Variants in ARLN observed in about 807,000 individuals in gnomAD.
The protein encoded by ARLN is allregulin.
chr4:119,300,600 T>C, the ARLN span: 20 of 1,610,584 alleles, frequency 1.2e-5, no homozygotes, highest in East Asian at 2.9e-4. Context: ...GACTTTGGTG[T>C]TCGCCGCACC....
chr4:119,300,538 C>G, the ARLN span: 1 of 1,614,214 alleles, frequency 6.2e-7, no homozygotes, highest in Non-Finnish European at 8.5e-7. Context: ...ACCTCCATCT[C>G]GCTCCTGCAG....
chr4:119,299,891 T>C, the ARLN span, among the ~76,000 whole-genome samples: 9 of 152,260 alleles, frequency 5.9e-5, no homozygotes, highest in Admixed American at 5.9e-4. Context: ...TAAACAGCTG[T>C]ATAGTAAAAA....
At chr4:119,300,743 A>G in the ARLN span, 5 of 1,507,306 alleles carry the variant, frequency 3.3e-6, no homozygotes, top group African/African-American at 6.9e-5. Context: ...GCTGGCATGA[A>G]GCGCGGCCTC....
At chr4:119,296,557 C>G in the ARLN span, 1 of 152,098 alleles carries the variant, frequency 6.6e-6, no homozygotes. Context: ...GGTCTGAGAA[C>G]CAGGGGCCCT....
chr4:119,301,436 G>A, the ARLN span, among the ~76,000 whole-genome samples: 2 of 151,754 alleles, frequency 1.3e-5, no homozygotes, highest in Admixed American at 1.3e-4. Context: ...GGGGGGAAAT[G>A]GGGGTGGGAA....
the ARLN span, chr4:119,300,859 T>A: frequency 1.4e-6 from 2 of 1,408,546 alleles, no homozygotes; most frequent in African/African-American, 2.9e-5. Flanking sequence ...CTCGTCCCCC[T>A]GAAAGGCCCA....
At chr4:119,300,223 G>A in the ARLN span, 1 of 861,706 alleles carries the variant, frequency 1.2e-6, no homozygotes, top group South Asian at 1.7e-5. Flanking sequence ...CTCACCAGCT[G>A]TGTGATCTTG....
At chr4:119,298,732 G>C in the ARLN span, 1 of 764,912 alleles carries the variant, frequency 1.3e-6, no homozygotes, top group South Asian at 1.4e-5. Flanking sequence ...GCCATTTTCA[G>C]AATTCACTCA....
At chr4:119,299,493 T>C in the ARLN span, among the ~76,000 whole-genome samples, 2 of 152,198 alleles carry the variant, frequency 1.3e-5, no homozygotes, top group Non-Finnish European at 2.9e-5. Context: ...TCTTCTCCCA[T>C]AGGAGCCCTG....
the ARLN span, chr4:119,304,304 G>C: frequency 1.3e-6 from 2 of 1,537,092 alleles, no homozygotes. Context: ...TTTCTTCTTG[G>C]GGAGAGGGTT....
chr4:119,300,293 T>C, the ARLN span: 1 of 1,507,900 alleles, frequency 6.6e-7, no homozygotes, highest in Non-Finnish European at 9.1e-7. Flanking sequence ...GCAAATGATC[T>C]CTAAGCTCCT....
At chr4:119,300,525 T>C in the ARLN span, 18 of 1,613,970 alleles carry the variant, frequency 1.1e-5, no homozygotes, top group South Asian at 8.8e-5. Flanking sequence ...ACCCGGTGCG[T>C]CCACCTCCAT....
the ARLN span, chr4:119,300,909 G>A: frequency 4.8e-6 from 5 of 1,048,882 alleles, no homozygotes; most frequent in Non-Finnish European, 4.0e-6. Flanking sequence ...AACTGCACGA[G>A]GTCACCTCTC....
the ARLN span, among the ~76,000 whole-genome samples, chr4:119,303,176 T>TC: frequency 6.6e-6 from 1 of 152,084 alleles, no homozygotes; most frequent in East Asian, 1.9e-4. Flanking sequence ...AGGTTATTTC[T>TC]CCATCTTCTG....
At chr4:119,303,873 T>C in the ARLN span, among the ~76,000 whole-genome samples, 2 of 152,194 alleles carry the variant, frequency 1.3e-5, no homozygotes, top group Non-Finnish European at 2.9e-5. Context: ...CAGACCATGT[T>C]CCCTCCATGC....
At chr4:119,300,156 T>G in the ARLN span, among the ~76,000 whole-genome samples, 3 of 151,632 alleles carry the variant, frequency 2.0e-5, no homozygotes, top group African/African-American at 7.3e-5. Context: ...CCCACGGACG[T>G]GCTAAAGAAG....
chr4:119,300,950 C>G, the ARLN span: 1 of 746,474 alleles, frequency 1.3e-6, no homozygotes, highest in Non-Finnish European at 2.1e-6. Context: ...GATCCTTATG[C>G]CAACGTGTTA....
chr4:119,298,857 G>C, the ARLN span: 13 of 710,036 alleles, frequency 1.8e-5, no homozygotes, highest in Admixed American at 2.7e-4. Context: ...TTTACATATT[G>C]ATAAAAAGAA....
the ARLN span, chr4:119,300,868 C>G: frequency 7.3e-7 from 1 of 1,379,118 alleles, no homozygotes; most frequent in Non-Finnish European, 9.5e-7. Context: ...CTGAAAGGCC[C>G]AGTCCAGTCA....
Sources: gnomAD v4.1 joint callset for allele counts (sites outside exome capture counted in the v4.1 genomes callset) on GRCh38, gnomAD v4.1.1 for gene constraint, MANE v1.5 for transcripts, NCBI Gene and HGNC (gene_info 2026-07-23, HGNC 2026-07-21) for gene names.